The following KIAA0825 variants were observed in gnomAD, a reference collection of about 807,000 sequenced individuals.
KIAA0825 encodes the protein uncharacterized protein KIAA0825.
Under a neutral mutation model 147.6 loss-of-function variants are expected in KIAA0825, and 119 were observed. The ratio of observed to expected loss-of-function variants is 0.81; its 90% confidence interval spans 0.69 to 0.94. The LOEUF (loss-of-function observed/expected upper bound fraction) is 0.94, where lower values mean the gene tolerates loss of function less well. Ranked by LOEUF, KIAA0825 falls within the 40% of genes least tolerant of loss-of-function variation. KIAA0825 has a pLI of 0.00. For missense variants in KIAA0825, 1,381 were observed against 1,472.7 expected (o/e 0.94, Z 1.02); for synonymous variants, 470 against 518.1 (o/e 0.91, Z 1.26).
At chr5:94,584,269 C>T (rs549903754) in intron 1 of KIAA0825, among the ~76,000 whole-genome samples, 135 of 152,200 alleles carry the variant, frequency 8.9e-4, no homozygotes, top group African/African-American at 3.0e-3. Flanking sequence ...TCTAACCCAT[C>T]GCAAGGAAGC....
intron 20 of KIAA0825, among the ~76,000 whole-genome samples, chr5:94,213,549 C>T (rs1772933132): frequency 6.6e-6 from 1 of 152,084 alleles, no homozygotes; most frequent in Non-Finnish European, 1.5e-5. Context: ...ATATAAATTC[C>T]TTGAACAGCC....
chr5:94,249,667 G>A (rs1260093733), intron 20 of KIAA0825, among the ~76,000 whole-genome samples: 1 of 151,906 alleles, frequency 6.6e-6, no homozygotes, highest in Non-Finnish European at 1.5e-5. Flanking sequence ...TCATGGCTGA[G>A]GTCTCAGCTC....
intron 20 of KIAA0825, among the ~76,000 whole-genome samples, chr5:94,276,791 A>G (rs928331306): frequency 2.6e-5 from 4 of 152,224 alleles, no homozygotes; most frequent in Middle Eastern, 6.8e-3. Context: ...CTGCTATCAA[A>G]CAGCCTTATG....
intron 19 of KIAA0825, among the ~76,000 whole-genome samples, chr5:94,385,768 C>G (rs1022262060): frequency 2.0e-5 from 3 of 152,154 alleles, no homozygotes; most frequent in African/African-American, 7.2e-5. Flanking sequence ...GGGAATGTGT[C>G]TATGGTTATA....
At chr5:94,314,969 C>G (rs1463713664) in intron 20 of KIAA0825, among the ~76,000 whole-genome samples, 1 of 151,548 alleles carries the variant, frequency 6.6e-6, no homozygotes, top group South Asian at 2.1e-4. Context: ...GTTGCTCTCT[C>G]TCTCATTGGC....
rs1334444053 is a variant in KIAA0825 at position 94,396,490 on chromosome 5, A to C, written c.2907T>G (p.Ala969=). The part of the protein sequence containing the change: ...ESCKSFTRLT[A]QAVSIVISKL... ...TGCTGATTACAATAGATACTGCCTG[A>C]GCAGTAAGCCTTGTGAAGCCTGGGG... Residue 969 remains alanine (A), a synonymous_variant, in exon 17 of 21, where the codon GCT becomes GCG. Transcript: ENST00000682413. 6.7e-7 allele frequency: 1 copy of C among 1,493,490 alleles called. No individual in the cohort carries two copies. The highest frequency in any genetic ancestry group is 1.4e-5 in the South Asian group (1 of 72,692). 92.5% of individuals were successfully genotyped at this position (1,493,490 alleles called of 1,614,324 possible). A position where few individuals can be genotyped will look rare whatever the true frequency, so the allele number is the denominator to read the frequency against.
At position 94,607,783 on chromosome 5, in the gene KIAA0825, G is replaced by A. The variant is rs571012261; in HGVS notation, c.-153+10717C>T. Among the ~76,000 whole-genome samples the A allele has an allele frequency of 2.6e-4, 40 of 152,260 alleles. 1 individual carries two copies. In the South Asian group the frequency reaches 7.0e-3, roughly 27 times the overall value. The stretch of plus-strand genomic sequence containing the variant: ...ACAAAGCTAAGATCAAGTAGTGAGC[G>A]GAGCTTCATTCCTTTTTGGAGATTT... On this transcript the variant is annotated intron_variant, in intron 1 of 20. Coordinates refer to ENST00000682413, the MANE Select transcript of KIAA0825 (RefSeq NM_001145678.3).
intron 2 of KIAA0825, among the ~76,000 whole-genome samples, chr5:94,561,527 G>A (rs1777549140): frequency 6.6e-6 from 1 of 152,102 alleles, no homozygotes. Context: ...GAACTTGTGG[G>A]GTCCTGGTAG....
chr5:94,304,797 G>C (rs978622912), intron 20 of KIAA0825, among the ~76,000 whole-genome samples: 4 of 151,940 alleles, frequency 2.6e-5, no homozygotes, highest in African/African-American at 9.7e-5. Context: ...GCCATCATTT[G>C]CTATGACATT....
intron 4 of KIAA0825, among the ~76,000 whole-genome samples, chr5:94,522,466 A>G (rs770177217): frequency 1.3e-5 from 2 of 151,754 alleles, no homozygotes; most frequent in African/African-American, 2.4e-5. Context: ...TTGATCAAAC[A>G]AAGAATAATA....
chr5:94,256,313 G>C (rs930262628), intron 20 of KIAA0825, among the ~76,000 whole-genome samples: 1 of 151,976 alleles, frequency 6.6e-6, no homozygotes, highest in Non-Finnish European at 1.5e-5. Flanking sequence ...TAAATCTCTG[G>C]TATTGGGGTT....
chr5:94,527,516 AT>A (rs1444675007), intron 3 of KIAA0825, among the ~76,000 whole-genome samples: 1 of 151,992 alleles, frequency 6.6e-6, no homozygotes, highest in Non-Finnish European at 1.5e-5. Flanking sequence ...AAAAATTTTT[AT>A]TTCTTAAATC....
At chr5:94,328,729 T>C (rs888257455) in intron 20 of KIAA0825, among the ~76,000 whole-genome samples, 5 of 152,006 alleles carry the variant, frequency 3.3e-5, no homozygotes, top group Admixed American at 2.0e-4. Context: ...AAATGCACTT[T>C]GTATAATAAA....
chr5:94,597,455 T>C (rs1785510990), intron 1 of KIAA0825, among the ~76,000 whole-genome samples: 1 of 151,990 alleles, frequency 6.6e-6, no homozygotes, highest in African/African-American at 2.4e-5. Flanking sequence ...TATAAGAAAA[T>C]ATATTTTACT....
intron 1 of KIAA0825, among the ~76,000 whole-genome samples, chr5:94,588,156 C>T (rs1783665544): frequency 6.6e-6 from 1 of 152,150 alleles, no homozygotes; most frequent in Non-Finnish European, 1.5e-5. Context: ...ACTAAAACAA[C>T]AAAAGCAATG....
chr5:94,278,621 G>C (rs1777324992), intron 20 of KIAA0825, among the ~76,000 whole-genome samples: 1 of 152,110 alleles, frequency 6.6e-6, no homozygotes, highest in African/African-American at 2.4e-5. Flanking sequence ...AGCTCCATCA[G>C]TGTTTCTTGT....
chr5:94,430,768 T>G (rs765598408), intron 14 of KIAA0825, among the ~76,000 whole-genome samples: 1 of 152,216 alleles, frequency 6.6e-6, no homozygotes, highest in Non-Finnish European at 1.5e-5. Flanking sequence ...CAGGAACAGA[T>G]AGAATATAAA....
At chr5:94,297,839 G>A (rs984606566) in intron 20 of KIAA0825, among the ~76,000 whole-genome samples, 109 of 150,166 alleles carry the variant, frequency 7.3e-4, no homozygotes, top group Non-Finnish European at 1.2e-3. Context: ...CAAGTGATCC[G>A]CCCACCTCGG....
At chr5:94,412,933 T>A (rs1285282078) in intron 15 of KIAA0825, 1 of 151,718 alleles carries the variant, frequency 6.6e-6, no homozygotes, top group East Asian at 2.0e-4. Flanking sequence ...ACTGCAGGAC[T>A]TGAGTATATG....
Sources: gnomAD v4.1 joint callset for allele counts (sites outside exome capture counted in the v4.1 genomes callset) on GRCh38, gnomAD v4.1.1 for gene constraint, MANE v1.5 for transcripts, NCBI Gene and HGNC (gene_info 2026-07-23, HGNC 2026-07-21) for gene names.